CEP128: variants seen among roughly 807,000 people sequenced by gnomAD.
CEP128 encodes the protein centrosomal protein 128kDa.
CEP128 carries 132 observed loss-of-function variants against 156.7 expected under a neutral mutation model. The observed-to-expected ratio is 0.84, with a 90% CI of 0.73 to 0.97. The LOEUF is 0.97. CEP128 is among the 50% of genes least tolerant of loss of function. The probability of loss-of-function intolerance (pLI) is 0.00; values close to 1 mark genes in which losing one functional copy is unlikely to be tolerated. For missense variants in CEP128, 1,252 were observed against 1,281.9 expected (o/e 0.98, Z 0.36); for synonymous variants, 469 against 448.9 (o/e 1.04, Z -0.57).
rs536625075 is a variant in CEP128, at chr14:80,613,109, G to A, written c.2807-32686C>T. Among the ~76,000 whole-genome samples the A allele has an allele frequency of 2.7e-5, 4 of 149,552 alleles. No homozygotes were observed. In the Admixed American group the frequency reaches 2.7e-4, roughly 10 times the overall value. On this transcript the variant is annotated intron_variant, in intron 19 of 24. Coordinates refer to ENST00000555265, the MANE Select transcript of CEP128 (RefSeq NM_152446.5). ...GAGCTCAGGCAATCCGCCCACCTCGGCCTCCCAAAGTGCTAGGATTACAGG... is the reference window on the plus strand; with the variant it reads ...GAGCTCAGGCAATCCGCCCACCTCGACCTCCCAAAGTGCTAGGATTACAGG...
intron 14 of CEP128, among the ~76,000 whole-genome samples, chr14:80,483,398 T>C (rs1291023109): frequency 6.6e-6 from 1 of 152,234 alleles, no homozygotes; most frequent in African/African-American, 2.4e-5. Flanking sequence ...TCAGCATATT[T>C]CATGCTCAGT....
At chr14:80,824,753 C>T (rs956995639) in intron 13 of CEP128, among the ~76,000 whole-genome samples, 5 of 152,194 alleles carry the variant, frequency 3.3e-5, no homozygotes, top group African/African-American at 4.8e-5. Context: ...AAGTTCCAAA[C>T]GTTCCCACAT....
chr14:80,882,428 G>A (rs11847064), intron 8 of CEP128, among the ~76,000 whole-genome samples: 9,968 of 152,142 alleles, frequency 0.066, 1,086 homozygotes, highest in African/African-American at 0.23. Context: ...ACAAATGCTG[G>A]TGAGGGTATG....
At chr14:80,896,208 T>C (rs994563548) in intron 7 of CEP128, among the ~76,000 whole-genome samples, 2 of 152,220 alleles carry the variant, frequency 1.3e-5, no homozygotes, top group African/African-American at 4.8e-5. Context: ...ACCCTCTTTC[T>C]AGCAATTTAT....
chr14:80,513,174 C>T (rs746429142), intron 23 of CEP128, among the ~76,000 whole-genome samples: 7 of 151,976 alleles, frequency 4.6e-5, no homozygotes, highest in Non-Finnish European at 4.4e-5. Flanking sequence ...TGATAAATAC[C>T]CTCAGCTTTT....
chr14:80,483,936 G>A (rs934126889), intron 14 of CEP128, among the ~76,000 whole-genome samples: 2 of 152,126 alleles, frequency 1.3e-5, no homozygotes, highest in Non-Finnish European at 2.9e-5. Flanking sequence ...TGTTTAACAG[G>A]TGATGGTATC....
intron 16 of CEP128, among the ~76,000 whole-genome samples, chr14:80,777,234 T>C (rs448929): frequency 1.3e-5 from 2 of 151,924 alleles, no homozygotes; most frequent in African/African-American, 2.4e-5. Context: ...TGGGAGGTGA[T>C]TGGGAGGTGA....
At chr14:80,942,374 C>G (rs912328213), upstream of CEP128, 2 of 152,168 alleles carry the variant, frequency 1.3e-5, no homozygotes, top group Non-Finnish European at 2.9e-5. Flanking sequence ...GGTGTCATCT[C>G]CTCACTCTAG....
chr14:80,944,683 G>T (rs1290023843), upstream of CEP128, among the ~76,000 whole-genome samples: 2 of 151,724 alleles, frequency 1.3e-5, no homozygotes, highest in African/African-American at 4.8e-5. Context: ...TTAGCCAGGT[G>T]TGGCGGCGGG....
chr14:80,929,697 G>A (rs1285552881), intron 2 of CEP128, among the ~76,000 whole-genome samples: 1 of 152,094 alleles, frequency 6.6e-6, no homozygotes. Context: ...GTGGTAGAGT[G>A]GACACTGGAG....
In CEP128 at chr14:80,813,893, C is replaced by T. The variant is rs141118149; in HGVS notation, c.1209+17250G>A. Among the ~76,000 whole-genome samples the T allele has an allele frequency of 6.8e-3, 1,035 of 152,200 alleles. 2 individuals are homozygous for T. Among genetic ancestry groups the T allele is most frequent in the Non-Finnish European group, 0.012 (808 of 68,004 alleles). On this transcript the variant is annotated intron_variant, in intron 13 of 24. Coordinates refer to ENST00000555265, the MANE Select transcript of CEP128 (RefSeq NM_152446.5). ...TTGAGAAAAAATTTTTATATACTTT[C>T]CTTAGTGCTGTACTGCTGAAATTCA...
intron 19 of CEP128, among the ~76,000 whole-genome samples, chr14:80,601,497 G>A (rs113321137): frequency 2.6e-5 from 4 of 152,110 alleles, no homozygotes; most frequent in African/African-American, 7.2e-5. Flanking sequence ...AATTTTGGGG[G>A]GACCACATTC....
chr14:80,545,817 T>C (rs1477509984), intron 21 of CEP128, among the ~76,000 whole-genome samples: 2 of 152,092 alleles, frequency 1.3e-5, no homozygotes, highest in Non-Finnish European at 2.9e-5. Flanking sequence ...TAAAGGCAAT[T>C]CTTGAAGGAC....
intron 19 of CEP128, among the ~76,000 whole-genome samples, chr14:80,600,396 T>C (rs1260978252): frequency 6.6e-6 from 1 of 152,120 alleles, no homozygotes; most frequent in Non-Finnish European, 1.5e-5. Flanking sequence ...GAGAGAAAAG[T>C]GACTTATCAC....
At chr14:80,689,189 T>C (rs1896628528) in intron 19 of CEP128, among the ~76,000 whole-genome samples, 1 of 146,362 alleles carries the variant, frequency 6.8e-6, no homozygotes, top group Non-Finnish European at 1.5e-5. Context: ...ACCCTGTATC[T>C]ACTAAAAATA....
At chr14:80,537,399 T>TA (rs2140298285) in intron 21 of CEP128, among the ~76,000 whole-genome samples, 1 of 152,200 alleles carries the variant, frequency 6.6e-6, no homozygotes, top group South Asian at 2.1e-4. Context: ...ACAGAGGAAA[T>TA]AAAAGAATCA....
chr14:80,925,841 C>T (rs573446391), intron 2 of CEP128, among the ~76,000 whole-genome samples: 1 of 152,202 alleles, frequency 6.6e-6, no homozygotes, highest in Non-Finnish European at 1.5e-5. Flanking sequence ...AGACTGCCTC[C>T]ATGATACACT....
chr14:80,708,130 C>T (rs1476548490), intron 19 of CEP128, among the ~76,000 whole-genome samples: 2 of 152,042 alleles, frequency 1.3e-5, no homozygotes, highest in African/African-American at 4.8e-5. Context: ...CCCCTATGGA[C>T]ATTTGGTTAT....
intron 19 of CEP128, among the ~76,000 whole-genome samples, chr14:80,593,479 T>C (rs1485761136): frequency 6.8e-6 from 1 of 147,572 alleles, no homozygotes; most frequent in Non-Finnish European, 1.5e-5. Context: ...AGGCGGAGCT[T>C]GCAGTGAGCC....
Sources: gnomAD v4.1 joint callset for allele counts (sites outside exome capture counted in the v4.1 genomes callset) on GRCh38, gnomAD v4.1.1 for gene constraint, MANE v1.5 for transcripts, NCBI Gene and HGNC (gene_info 2026-07-23, HGNC 2026-07-21) for gene names.